Variants in AOPEP observed in about 807,000 individuals in gnomAD.
The protein encoded by AOPEP is aminopeptidase O.
In AOPEP, 77 loss-of-function variants were observed where a neutral mutation model predicts 98.1. The observed-to-expected ratio is 0.78, with a 90% confidence interval of 0.65 to 0.95. The LOEUF (loss-of-function observed/expected upper bound fraction) is 0.95, where lower values mean the gene tolerates loss of function less well. Among genes scored for constraint, AOPEP ranks in the 40% least tolerant of loss-of-function variants. The probability of loss-of-function intolerance (pLI) is 0.00; values close to 1 mark genes in which losing one functional copy is unlikely to be tolerated. For missense variants in AOPEP, 1,024 were observed against 1,024.7 expected, an observed-to-expected ratio of 1.00 and a Z score of 0.01; for synonymous variants, 346 against 365.3, an observed-to-expected ratio of 0.95 and a Z score of 0.60.
intron 13 of AOPEP, among the ~76,000 whole-genome samples, chr9:95,046,607 A>C (rs575439597): frequency 3.3e-5 from 5 of 152,224 alleles, no homozygotes; most frequent in African/African-American, 1.2e-4. Context: ...ACACGAAGAG[A>C]TCGACCCAGC....
the AOPEP span, chr9:95,126,737 C>T: frequency 2.2e-5 from 16 of 723,284 alleles, no homozygotes; most frequent in African/African-American, 1.9e-4. Flanking sequence ...GTACTGAAAA[C>T]GCCCCACATA....
chr9:95,005,035 C>T (rs1238623701), intron 11 of AOPEP, 123 bp from the exon 12 acceptor site: 4 of 301,320 alleles, frequency 1.3e-5, no homozygotes, highest in Non-Finnish European at 2.0e-5. Context: ...GCTCCGGCGC[C>T]GCCGCTGCGT....
the AOPEP span, among the ~76,000 whole-genome samples, chr9:95,116,524 G>T: frequency 6.6e-6 from 1 of 152,170 alleles, no homozygotes; most frequent in Non-Finnish European, 1.5e-5. Flanking sequence ...GGCCCAAAAT[G>T]GCATAAAAAG....
chr9:95,145,358 C>T, the AOPEP span: 1 of 152,110 alleles, frequency 6.6e-6, no homozygotes, highest in Non-Finnish European at 1.5e-5. Flanking sequence ...AAAATATATA[C>T]AACACTCCCT....
the AOPEP span, among the ~76,000 whole-genome samples, chr9:95,144,408 T>C: frequency 6.6e-6 from 1 of 152,194 alleles, no homozygotes; most frequent in Admixed American, 6.5e-5. Flanking sequence ...GAACATGCTA[T>C]CACAAGCAAA....
rs72185513 is a variant in AOPEP, at chr9:94,916,710, T to TTAAA, written c.1365-7251_1365-7248dup. Reference sequence around the variant, plus strand: ...ACTCCCTCTCAAAAAAAAAAAAAAATTAAATAAATAAATAAATAAATAAAT... The same window carrying TTAAA: ...ACTCCCTCTCAAAAAAAAAAAAAAATTAAATAAATAAATAAATAAATAAATAAAT... On this transcript the variant is annotated intron_variant, in intron 5 of 16. Coordinates refer to ENST00000375315, the MANE Select transcript of AOPEP (RefSeq NM_001193329.3). 2.1e-3 allele frequency among the ~76,000 whole-genome samples: 300 copies of TTAAA among 143,082 alleles called. 3 individuals carry two copies. The highest frequency in any genetic ancestry group is 6.0e-3 in the South Asian group (28 of 4,632). 93.9% of individuals were successfully genotyped at this position (143,082 alleles called of 152,430 possible). A position where few individuals can be genotyped will look rare whatever the true frequency, so the allele number is the denominator to read the frequency against.
chr9:94,866,354 A>G (rs974754139), intron 5 of AOPEP, among the ~76,000 whole-genome samples: 6 of 152,236 alleles, frequency 3.9e-5, no homozygotes, highest in Non-Finnish European at 8.8e-5. Context: ...GGTTTATTCA[A>G]TTCTTCCAGC....
chr9:94,793,616 G>T (rs1436522755), intron 4 of AOPEP, among the ~76,000 whole-genome samples: 1 of 151,852 alleles, frequency 6.6e-6, no homozygotes, highest in African/African-American at 2.4e-5. Flanking sequence ...GGTAGAGGTT[G>T]CAGTGAGCCA....
chr9:94,989,287 A>G (rs2060721507), intron 11 of AOPEP, among the ~76,000 whole-genome samples: 1 of 152,052 alleles, frequency 6.6e-6, no homozygotes, highest in Non-Finnish European at 1.5e-5. Context: ...TATTTTTAGT[A>G]GAGACGGGGT....
chr9:95,126,571 G>A, the AOPEP span: 1 of 1,613,890 alleles, frequency 6.2e-7, no homozygotes, highest in East Asian at 2.2e-5. Flanking sequence ...AGGGTGGCAG[G>A]CTGCTTGAGG....
chr9:94,757,900 A>G (rs1161250224), intron 1 of AOPEP, among the ~76,000 whole-genome samples: 1 of 152,158 alleles, frequency 6.6e-6, no homozygotes, highest in Non-Finnish European at 1.5e-5. Flanking sequence ...TAGCCAATGG[A>G]TTTATCGAAG....
chr9:94,946,441 T>C (rs1399628484), intron 7 of AOPEP, among the ~76,000 whole-genome samples: 1 of 152,188 alleles, frequency 6.6e-6, no homozygotes. Flanking sequence ...CTCATTGCAC[T>C]AGCAAACAGC....
chr9:95,012,521 A>G (rs1007292021), intron 13 of AOPEP, among the ~76,000 whole-genome samples: 1 of 152,148 alleles, frequency 6.6e-6, no homozygotes, highest in Admixed American at 6.5e-5. Flanking sequence ...AGTCATTCTC[A>G]TCGACATTTT....
intron 5 of AOPEP, among the ~76,000 whole-genome samples, chr9:94,817,101 G>A (rs1340766414): frequency 6.6e-6 from 1 of 152,118 alleles, no homozygotes; most frequent in Admixed American, 6.5e-5. Flanking sequence ...CCCAGGCTGA[G>A]GTGATCCTCC....
intron 7 of AOPEP, chr9:94,931,895 C>T (rs1405508260): frequency 9.9e-6 from 12 of 1,218,148 alleles, no homozygotes; most frequent in Middle Eastern, 2.0e-4. Flanking sequence ...TTCCTCACCT[C>T]TCTTGCTGGC....
At chr9:94,877,014 G>GC (rs2047028613) in intron 5 of AOPEP, among the ~76,000 whole-genome samples, 2 of 152,238 alleles carry the variant, frequency 1.3e-5, no homozygotes, top group Non-Finnish European at 2.9e-5. Flanking sequence ...CCAAAAGTGA[G>GC]CCCCCAGGAG....
chr9:94,905,838 A>AGG lies in AOPEP; in HGVS notation c.1365-18146_1365-18145dup, dbSNP rs1588817669. On this transcript the variant is annotated intron_variant, in intron 5 of 16. Coordinates refer to ENST00000375315, the MANE Select transcript of AOPEP (RefSeq NM_001193329.3). The stretch of plus-strand genomic sequence containing the variant: ...TCAGACTAAAGCAGTCAAGACACTG[A>AGG]GGGAACCATCCATCATCCCTGTCAT... Among the ~76,000 whole-genome samples, 6 of 150,692 alleles carry AGG rather than the reference A, an allele frequency of 4.0e-5. 1 individual carries two copies. The East Asian group carries it at 1.2e-3, about 30-fold the overall frequency.
intron 13 of AOPEP, among the ~76,000 whole-genome samples, chr9:95,033,345 C>G (rs938586658): frequency 1.5e-4 from 23 of 152,120 alleles, no homozygotes; most frequent in Non-Finnish European, 2.9e-5. Flanking sequence ...CCCTAAAACC[C>G]CAAGTGGTGA....
At chr9:94,737,237 C>A (rs369877208) in intron 1 of AOPEP, among the ~76,000 whole-genome samples, 1 of 151,854 alleles carries the variant, frequency 6.6e-6, no homozygotes, top group Non-Finnish European at 1.5e-5. Context: ...CCTGAGTAGC[C>A]GAGAGTACAA....
Sources: allele counts gnomAD v4.1 joint callset (sites outside exome capture counted in the v4.1 genomes callset), GRCh38; gene constraint gnomAD v4.1.1; transcripts MANE v1.5; gene names NCBI Gene and HGNC (gene_info 2026-07-23, HGNC 2026-07-21).